The following RBPJ variants were observed in gnomAD, a reference collection of about 807,000 sequenced individuals.
RBPJ encodes the protein recombining binding protein suppressor of hairless.
RBPJ carries 9 observed loss-of-function variants against 67.8 expected under a neutral mutation model. The ratio of observed to expected loss-of-function variants is 0.13; its 90% CI spans 0.08 to 0.23. The LOEUF (loss-of-function observed/expected upper bound fraction) is 0.23, where lower values mean the gene tolerates loss of function less well. Among genes scored for constraint, RBPJ ranks in the 10% least tolerant of loss-of-function variants. The pLI, the probability that RBPJ is intolerant of heterozygous loss-of-function variation, is 1.00. For synonymous variants in RBPJ, 198 were observed against 203.3 expected (o/e 0.97, Z 0.22); for missense variants, 305 against 595.6 (o/e 0.51, Z 5.08).
At chr4:26,235,470 A>G (rs1577501329) in intron 1 of RBPJ, among the ~76,000 whole-genome samples, 1 of 152,362 alleles carries the variant, frequency 6.6e-6, no homozygotes, top group East Asian at 1.9e-4. Context: ...AAACACTTCT[A>G]ACAGAATTAC....
At chr4:26,385,200 T>C (rs369942002) in intron 1 of RBPJ, among the ~76,000 whole-genome samples, 55 of 151,402 alleles carry the variant, frequency 3.6e-4, no homozygotes, top group African/African-American at 1.2e-3. Flanking sequence ...TTTGTATTTT[T>C]AGTAGAGGCA....
intron 1 of RBPJ, chr4:26,367,827 A>C (rs894486610): frequency 2.0e-5 from 3 of 152,228 alleles, no homozygotes; most frequent in Non-Finnish European, 4.4e-5. Flanking sequence ...TGGTATCAGC[A>C]TATGTATATT....
chr4:26,425,371 T>C (rs1332010235), intron 7 of RBPJ, among the ~76,000 whole-genome samples: 1 of 151,938 alleles, frequency 6.6e-6, no homozygotes, highest in Non-Finnish European at 1.5e-5. Flanking sequence ...GAAGGAGAAG[T>C]GACTAGCCCT....
chr4:26,302,539 C>G (rs762323495), intron 1 of RBPJ, among the ~76,000 whole-genome samples: 1 of 152,148 alleles, frequency 6.6e-6, no homozygotes, highest in Non-Finnish European at 1.5e-5. Context: ...GTCTCCCCAG[C>G]GTTGGGGTCC....
intron 1 of RBPJ, among the ~76,000 whole-genome samples, chr4:26,258,413 G>A (rs1169788537): frequency 6.6e-6 from 1 of 152,168 alleles, no homozygotes; most frequent in Non-Finnish European, 1.5e-5. Context: ...GTGAATAGAT[G>A]TACTGGTGCA....
chr4:26,174,331 G>A (rs377038924), intron 1 of RBPJ, among the ~76,000 whole-genome samples: 1 of 152,144 alleles, frequency 6.6e-6, no homozygotes, highest in African/African-American at 2.4e-5. Flanking sequence ...TGACTGACAC[G>A]GCGTAAATTT....
chr4:26,388,406 T>C (rs1731137756), intron 2 of RBPJ, among the ~76,000 whole-genome samples: 1 of 152,218 alleles, frequency 6.6e-6, no homozygotes. Flanking sequence ...GTTGCCCATA[T>C]AACCTCCATC....
At chr4:26,265,979 C>G (rs1720691726) in intron 1 of RBPJ, among the ~76,000 whole-genome samples, 1 of 151,948 alleles carries the variant, frequency 6.6e-6, no homozygotes, top group Non-Finnish European at 1.5e-5. Context: ...GAGGTTGCTT[C>G]ACGATCGCAC....
chr4:26,401,115 G>A (rs1299106001), intron 2 of RBPJ, among the ~76,000 whole-genome samples: 2 of 152,188 alleles, frequency 1.3e-5, no homozygotes, highest in Non-Finnish European at 2.9e-5. Context: ...GTAATAGCTC[G>A]AGGCTACTGA....
intron 1 of RBPJ, among the ~76,000 whole-genome samples, chr4:26,347,744 G>A (rs993591673): frequency 4.6e-5 from 7 of 152,146 alleles, no homozygotes; most frequent in Admixed American, 2.0e-4. Flanking sequence ...AGGAACACAC[G>A]AAGAGGGAAG....
At chr4:26,249,273 T>G (rs1308610215) in intron 1 of RBPJ, among the ~76,000 whole-genome samples, 1 of 152,122 alleles carries the variant, frequency 6.6e-6, no homozygotes, top group Non-Finnish European at 1.5e-5. Context: ...AACACACAGC[T>G]CCATAAATTA....
intron 2 of RBPJ, among the ~76,000 whole-genome samples, chr4:26,403,381 A>AT (rs1297914233): frequency 1.3e-5 from 2 of 152,010 alleles, no homozygotes; most frequent in African/African-American, 4.8e-5. Flanking sequence ...TTTTCCAAGA[A>AT]TTTTTTTTAA....
chr4:26,324,401 AGTGTGT>A lies in RBPJ; in HGVS notation c.20+3373_20+3378del, dbSNP rs56655194. ...ATTACAGGGTGATGTGTCGTGTGTG[AGTGTGT>A]GTGTGTGTGTGTGTGTGTGGTGTAA... On this transcript the variant is annotated intron_variant, in intron 1 of 10. Transcript: ENST00000355476. Among the ~76,000 whole-genome samples the A allele has an allele frequency of 2.3e-4, 35 of 150,066 alleles. 1 individual carries two copies. The highest frequency in any genetic ancestry group is 5.9e-4 in the East Asian group (3 of 5,102).
At chr4:26,250,334 T>TA (rs1186963026) in intron 1 of RBPJ, among the ~76,000 whole-genome samples, 2 of 148,846 alleles carry the variant, frequency 1.3e-5, no homozygotes, top group Non-Finnish European at 3.0e-5. Flanking sequence ...ATTCCTTTTT[T>TA]TTTTTTTTTT....
chr4:26,212,115 G>C (rs191040764), intron 1 of RBPJ, among the ~76,000 whole-genome samples: 14 of 152,174 alleles, frequency 9.2e-5, no homozygotes, highest in African/African-American at 2.9e-4. Flanking sequence ...GGCACTTTTT[G>C]TTACAACAAC....
At chr4:26,226,146 CAAA>C (rs35440890) in intron 1 of RBPJ, among the ~76,000 whole-genome samples, 7 of 80,024 alleles carry the variant, frequency 8.7e-5, no homozygotes, top group Admixed American at 2.6e-4. Context: ...GAGACTCTGT[CAAA>C]AAAAAAAAAA....
chr4:26,181,863 G>A lies in RBPJ; in HGVS notation c.-167+18249G>A, dbSNP rs145934643. Among the ~76,000 whole-genome samples the A allele has an allele frequency of 1.5e-3, 231 of 152,344 alleles. 2 individuals carry two copies. The highest frequency in any genetic ancestry group is 4.9e-3 in the African/African-American group (204 of 41,584). On this transcript the variant is annotated intron_variant, in intron 1 of 4. Coordinates refer to the RBPJ transcript ENST00000512351. ...CACAGGACTGGAAGTTGCTCTGGGTGAGTCAGTGAGTGAGTGAGTGGTGAG... is the reference window on the plus strand; with the variant it reads ...CACAGGACTGGAAGTTGCTCTGGGTAAGTCAGTGAGTGAGTGAGTGGTGAG...
At chr4:26,356,846 G>T (rs111290041) in intron 1 of RBPJ, among the ~76,000 whole-genome samples, 1 of 152,194 alleles carries the variant, frequency 6.6e-6, no homozygotes, top group Non-Finnish European at 1.5e-5. Flanking sequence ...GATATGTGCA[G>T]TTATACTTTT....
At chr4:26,285,261 C>A (rs1001351787) in intron 1 of RBPJ, among the ~76,000 whole-genome samples, 1 of 147,806 alleles carries the variant, frequency 6.8e-6, no homozygotes, top group Admixed American at 6.8e-5. Context: ...TCCACCCCTC[C>A]GCCCCCACCC....
Sources: gnomAD v4.1 joint callset for allele counts (sites outside exome capture counted in the v4.1 genomes callset) on GRCh38, gnomAD v4.1.1 for gene constraint, MANE v1.5 for transcripts, NCBI Gene and HGNC (gene_info 2026-07-23, HGNC 2026-07-21) for gene names.